NUSAP1: variants seen among roughly 807,000 people sequenced by gnomAD.
NUSAP1 encodes nucleolar and spindle associated protein 1.
In NUSAP1, 32 loss-of-function variants were observed where a neutral mutation model predicts 52.8. The ratio of observed to expected loss-of-function variants is 0.61; its 90% CI spans 0.46 to 0.81. The LOEUF (loss-of-function observed/expected upper bound fraction) is 0.81. Ranked by LOEUF, NUSAP1 falls within the 40% of genes least tolerant of loss-of-function variation. The pLI, the probability that NUSAP1 is intolerant of heterozygous loss-of-function variation, is 0.00. For synonymous variants in NUSAP1, 195 were observed against 183.1 expected, an observed-to-expected ratio of 1.06 and a Z score of -0.52; for missense variants, 499 against 522.3, an observed-to-expected ratio of 0.96 and a Z score of 0.43.
chr15:41,335,421 CTAGA>C (rs1452960595), intron 1 of NUSAP1, among the ~76,000 whole-genome samples: 1 of 138,784 alleles, frequency 7.2e-6, no homozygotes, highest in Non-Finnish European at 1.5e-5. Flanking sequence ...ACTATATGTA[CTAGA>C]TAAATATACT....
chr15:41,350,579 T>C (rs143310798), intron 3 of NUSAP1, among the ~76,000 whole-genome samples: 2 of 152,298 alleles, frequency 1.3e-5, no homozygotes, highest in African/African-American at 4.8e-5. Flanking sequence ...AGTGAGCTAC[T>C]AGGCAGAGGA....
At chr15:41,359,688 A>G (rs1411372921) in intron 6 of NUSAP1, among the ~76,000 whole-genome samples, 1 of 151,290 alleles carries the variant, frequency 6.6e-6, no homozygotes, top group Admixed American at 6.6e-5. Context: ...CTGGAGGGCA[A>G]TGGTACAGTC....
At chr15:41,346,741 C>T (rs1019695734) in intron 2 of NUSAP1, among the ~76,000 whole-genome samples, 4 of 151,266 alleles carry the variant, frequency 2.6e-5, no homozygotes, top group South Asian at 2.1e-4. Flanking sequence ...GCAGGAGAAT[C>T]GCTTGAACTC....
intron 1 of NUSAP1, among the ~76,000 whole-genome samples, chr15:41,335,938 TG>T (rs2048111152): frequency 6.6e-6 from 1 of 150,702 alleles, no homozygotes; most frequent in African/African-American, 2.4e-5. Flanking sequence ...AATCAAATCT[TG>T]ATAATTTTAC....
chr15:41,377,351 C>A, intron 10 of NUSAP1, 47 bp downstream of exon 10: 1 of 1,064,506 alleles, frequency 9.4e-7, no homozygotes, highest in South Asian at 1.5e-5. Context: ...ATTTCAAAAG[C>A]AGCACCTCTG....
In NUSAP1 at chr15:41,365,581, G is replaced by A. The variant is rs780301080; in HGVS notation, c.840G>A (p.Thr280=). 3 of 1,592,026 alleles carry A rather than the reference G, an allele frequency of 1.9e-6. No homozygotes were observed. Among genetic ancestry groups the A allele is most frequent in the East Asian group, 2.3e-5 (1 of 44,330 alleles). The change falls in exon 7 of 11, where the codon ACG becomes ACA. Residue 280 remains threonine, a synonymous_variant. Transcript: ENST00000559596. The part of the protein sequence containing the change: ...LKRSAISAAK[T]GVRFSAATKD... The stretch of plus-strand genomic sequence containing the variant: ...GCTCTGCTATCTCTGCAGCTAAAAC[G>A]GGTGTCAGGTAAAGAAATCACTCCA...
intron 2 of NUSAP1, 50 bp from the exon 3 acceptor site, chr15:41,349,048 C>A (rs771591443): frequency 1.3e-6 from 2 of 1,548,760 alleles, no homozygotes; most frequent in Admixed American, 1.8e-5. Flanking sequence ...TCTTCCTGAG[C>A]ATTATAACTG....
chr15:41,339,444 G>C (rs2048296672), intron 1 of NUSAP1, among the ~76,000 whole-genome samples: 2 of 140,586 alleles, frequency 1.4e-5, no homozygotes, highest in Admixed American at 1.5e-4. Context: ...GAGTTTCGCT[G>C]TTGTTGCCCA....
intron 10 of NUSAP1, among the ~76,000 whole-genome samples, chr15:41,379,039 T>C (rs1410613140): frequency 1.5e-5 from 2 of 133,700 alleles, no homozygotes; most frequent in African/African-American, 5.6e-5. Flanking sequence ...CTGCAACCTC[T>C]GCCTCCCAGG....
At chr15:41,353,084 G>A (rs2048836748) in intron 4 of NUSAP1, among the ~76,000 whole-genome samples, 1 of 152,128 alleles carries the variant, frequency 6.6e-6, no homozygotes, top group Non-Finnish European at 1.5e-5. Context: ...TCTTTGTGAA[G>A]TTACTCTTTT....
chr15:41,367,224 G>C (rs1003702130), intron 7 of NUSAP1, among the ~76,000 whole-genome samples: 2 of 152,188 alleles, frequency 1.3e-5, no homozygotes, highest in East Asian at 1.9e-4. Flanking sequence ...TTCTCTGCAG[G>C]GGTGAGGCAT....
chr15:41,368,728 C>CTTTT lies in NUSAP1; in HGVS notation c.849-2778_849-2775dup, dbSNP rs57501156. ...ACATAATTGTATTTTTTATTTTATT[C>CTTTT]TTTTTTTTTTTTTTTTTTTTTTTTG... is the stretch of plus-strand genomic sequence containing the variant. On this transcript the variant is annotated intron_variant, in intron 7 of 10. Coordinates refer to ENST00000559596, the MANE Select transcript of NUSAP1 (RefSeq NM_016359.5). Among the ~76,000 whole-genome samples, 71 of 77,918 alleles carry CTTTT rather than the reference C, an allele frequency of 9.1e-4. 1 individual carries two copies. The highest frequency in any genetic ancestry group is 2.5e-3 in the African/African-American group (48 of 19,058). The allele number at this position is 77,918 out of a possible 152,430, so 51.1% of individuals were successfully genotyped here.
Position 41,380,266 on chromosome 15 carries a change from C to G in NUSAP1, c.*80C>G, listed in dbSNP as rs1455684409. 2 of 889,878 alleles carry G rather than the reference C, an allele frequency of 2.2e-6. No individual in the cohort carries two copies. The highest frequency in any genetic ancestry group is 3.4e-5 in the African/African-American group (2 of 59,196). 55.1% of individuals were successfully genotyped at this position (889,878 alleles called of 1,614,324 possible). ...AAATTTTTTTTTTTTGCTGTCATCCCCACTTTAGTCACGAGATCTTTTTCT... is the reference window on the plus strand; with the variant it reads ...AAATTTTTTTTTTTTGCTGTCATCCGCACTTTAGTCACGAGATCTTTTTCT... On this transcript the variant is annotated 3_prime_UTR_variant, in exon 11 of 11. Coordinates refer to ENST00000559596, the MANE Select transcript of NUSAP1 (RefSeq NM_016359.5).
chr15:41,336,295 T>TAATAAA (rs975665105), intron 1 of NUSAP1, among the ~76,000 whole-genome samples: 2 of 148,790 alleles, frequency 1.3e-5, no homozygotes, highest in Non-Finnish European at 3.0e-5. Flanking sequence ...ATAATAATAA[T>TAATAAA]AAATATATAG....
chr15:41,358,342 C>G, intron 6 of NUSAP1, 84 bp downstream of exon 6: 1 of 657,296 alleles, frequency 1.5e-6, no homozygotes, highest in Non-Finnish European at 2.7e-6. Context: ...GTTACAACAA[C>G]TGGCTGTCAC....
chr15:41,370,874 A>G (rs2049652664), intron 7 of NUSAP1, among the ~76,000 whole-genome samples: 1 of 152,130 alleles, frequency 6.6e-6, no homozygotes. Flanking sequence ...GCAAGCTGAG[A>G]TCATACCACT....
At chr15:41,379,844 G>A (rs1010789529) in intron 10 of NUSAP1, among the ~76,000 whole-genome samples, 3 of 152,056 alleles carry the variant, frequency 2.0e-5, no homozygotes, top group Non-Finnish European at 4.4e-5. Context: ...ATCGCGCCCC[G>A]GCCTCCATGC....
intron 4 of NUSAP1, 110 bp from the exon 5 acceptor site, chr15:41,355,929 C>A: frequency 3.2e-6 from 2 of 628,384 alleles, no homozygotes; most frequent in Non-Finnish European, 5.6e-6. Context: ...CCACCCGCCT[C>A]GGCCTCCCAA....
rs1384465772 is a variant in NUSAP1 at position 41,365,429 on chromosome 15, A to G, written c.688A>G (p.Arg230Gly). 4 of 1,612,276 alleles carry G rather than the reference A, an allele frequency of 2.5e-6. No homozygotes were observed. Among genetic ancestry groups the G allele is most frequent in the Non-Finnish European group, 3.4e-6 (4 of 1,178,990 alleles). ...KQQPINKGGVRTPVPPRGRLS... is the reference protein window; with the variant it reads ...KQQPINKGGVGTPVPPRGRLS... ...GCAGCCCATCAATAAGGGAGGGGTCAGGACTCCAGTACCTCCAAGAGGAAG... is the reference window on the plus strand; with the variant it reads ...GCAGCCCATCAATAAGGGAGGGGTCGGGACTCCAGTACCTCCAAGAGGAAG... Residue 230 changes from arginine to glycine, a missense_variant, in exon 7 of 11, where the codon AGG becomes GGG. Transcript: ENST00000559596.
Sources: gnomAD v4.1 joint callset for allele counts (sites outside exome capture counted in the v4.1 genomes callset) on GRCh38, gnomAD v4.1.1 for gene constraint, MANE v1.5 for transcripts, NCBI Gene and HGNC (gene_info 2026-07-23, HGNC 2026-07-21) for gene names.